DENR: variants seen among roughly 807,000 people sequenced by gnomAD.
DENR encodes the protein density regulated re-initiation and release factor, also known as density-regulated protein.
A neutral mutation model predicts 30.6 loss-of-function variants in DENR; 6 were observed. The observed-to-expected ratio is 0.20, with a 90% CI of 0.11 to 0.39. The LOEUF (loss-of-function observed/expected upper bound fraction) is 0.39. DENR is among the 10% of genes least tolerant of loss of function. The probability of loss-of-function intolerance (pLI) is 1.00; values close to 1 mark genes in which losing one functional copy is unlikely to be tolerated. For synonymous variants in DENR, 78 were observed against 72.1 expected (o/e 1.08, Z -0.41); for missense variants, 141 against 230.9 (o/e 0.61, Z 2.52).
At chr12:122,757,361 G>A (rs1878578029) in intron 2 of DENR, among the ~76,000 whole-genome samples, 1 of 152,164 alleles carries the variant, frequency 6.6e-6, no homozygotes, top group Non-Finnish European at 1.5e-5. Flanking sequence ...GCTTAACTGG[G>A]AAGACAAACA....
Position 122,765,392 on chromosome 12 carries a change from G to A in DENR, c.295+5G>A. 6.5e-7 allele frequency: 1 copy of A among 1,548,942 alleles called. No individual in the cohort carries two copies. Among genetic ancestry groups the A allele is most frequent in the Non-Finnish European group, 8.7e-7 (1 of 1,144,578 alleles). On this transcript the variant is annotated splice_donor_5th_base_variant and intron_variant, in intron 5 of 7. Coordinates refer to ENST00000280557, the MANE Select transcript of DENR (RefSeq NM_003677.5). ...AGAAGAAAAAACAGAAGAGAGGTAA[G>A]ACCTAAATTCACATCTTGATTTGTA... is the stretch of plus-strand genomic sequence containing the variant.
chr12:122,765,781 T>G (rs1301303909), intron 5 of DENR, among the ~76,000 whole-genome samples: 3 of 152,208 alleles, frequency 2.0e-5, no homozygotes, highest in African/African-American at 7.2e-5. Context: ...GAAAACATGC[T>G]TATTTGCCCT....
intron 2 of DENR, among the ~76,000 whole-genome samples, chr12:122,756,155 A>T (rs1878543642): frequency 6.6e-6 from 1 of 152,216 alleles, no homozygotes; most frequent in Admixed American, 6.5e-5. Flanking sequence ...TGAAAGAAAG[A>T]GACAAGAAAT....
intron 4 of DENR, chr12:122,763,256 A>AT (rs397687012): frequency 1.1e-5 from 2 of 182,364 alleles, no homozygotes; most frequent in African/African-American, 4.9e-5. Flanking sequence ...AAAAAAAAAA[A>AT]GGCGTGGTGG....
rs1238776466 is a variant in DENR at position 122,762,905 on chromosome 12, A to G, written c.187A>G (p.Asn63Asp). ...CRQWLEKNFPNEFAKLTVENS... is the reference protein window; with the variant it reads ...CRQWLEKNFPDEFAKLTVENS... The stretch of plus-strand genomic sequence containing the variant: ...ACAATGGTTAGAGAAGAATTTTCCA[A>G]ATGAATTTGCAAAACTTACTGTAGG... Residue 63 changes from asparagine (N) to aspartate (D), a missense_variant, in exon 4 of 8, where the codon AAT (asparagine) becomes GAT (aspartate). This residue lies in a region of DENR where 104 missense variants were observed against 138.3 expected (regional missense o/e 0.75). Transcript: ENST00000280557. The G allele has an allele frequency of 1.3e-6, 2 of 1,549,254 alleles. No homozygotes were observed. Among genetic ancestry groups the G allele is most frequent in the Non-Finnish European group, 1.7e-6 (2 of 1,146,024 alleles).
At chr12:122,753,275 G>T (rs1426306967) in intron 1 of DENR, among the ~76,000 whole-genome samples, 1 of 140,940 alleles carries the variant, frequency 7.1e-6, no homozygotes, top group African/African-American at 2.7e-5. Context: ...GGGCTTCTCC[G>T]ATGACCCACC....
chr12:122,758,807 C>T (rs1373817036), intron 2 of DENR, among the ~76,000 whole-genome samples: 1 of 146,022 alleles, frequency 6.8e-6, no homozygotes, highest in Admixed American at 6.8e-5. Context: ...GTCTCTTTAA[C>T]AAAAAAAAAG....
intron 5 of DENR, among the ~76,000 whole-genome samples, chr12:122,766,941 A>G (rs944280543): frequency 3.2e-4 from 48 of 152,290 alleles, no homozygotes; most frequent in African/African-American, 1.1e-3. Flanking sequence ...CATCTGCTAC[A>G]TATTCATAAG....
chr12:122,756,947 A>G (rs1878565899), intron 2 of DENR, among the ~76,000 whole-genome samples: 1 of 152,126 alleles, frequency 6.6e-6, no homozygotes, highest in African/African-American at 2.4e-5. Context: ...TGAGGAAGAG[A>G]GGTTGAAAAA....
chr12:122,760,142 G>A (rs1274764676), intron 2 of DENR, among the ~76,000 whole-genome samples: 2 of 152,186 alleles, frequency 1.3e-5, no homozygotes, highest in Admixed American at 6.5e-5. Flanking sequence ...TGTAACCTAA[G>A]TTAGTGGTTA....
At chr12:122,763,169 A>C (rs981130966) in intron 4 of DENR, 1 of 315,648 alleles carries the variant, frequency 3.2e-6, no homozygotes, top group African/African-American at 2.2e-5. Context: ...TGGGAGGCTG[A>C]GGCAGGCGGA....
chr12:122,765,211 C>G, intron 4 of DENR, 93 bp from the exon 5 acceptor site: 2 of 945,800 alleles, frequency 2.1e-6, no homozygotes, highest in Middle Eastern at 3.2e-4. Context: ...GGTAAGATGC[C>G]TTATTTGTAT....
In DENR at chr12:122,769,155, T is replaced by A; in HGVS notation, c.*77T>A. ...AAAGGGAGAGAGGCCTTTTAAAATA[T>A]ATATATATATACACATATATATGTA... is the stretch of plus-strand genomic sequence containing the variant. On this transcript the variant is annotated 3_prime_UTR_variant, in exon 8 of 8. Coordinates refer to ENST00000280557, the MANE Select transcript of DENR (RefSeq NM_003677.5). 58 of 1,351,856 alleles carry A rather than the reference T, an allele frequency of 4.3e-5. No individual in the cohort carries two copies. Among genetic ancestry groups the A allele is most frequent in the Non-Finnish European group, 5.4e-5 (55 of 1,015,612 alleles). The allele number at this position is 1,351,856 out of a possible 1,614,324, so 83.7% of individuals were successfully genotyped here.
intron 6 of DENR, among the ~76,000 whole-genome samples, chr12:122,767,852 G>A (rs150712321): frequency 8.6e-4 from 131 of 152,320 alleles, no homozygotes; most frequent in African/African-American, 3.0e-3. Context: ...TGTGGGATGA[G>A]GACGGCTGGG....
chr12:122,762,332 A>G (rs1878722572), intron 3 of DENR, 126 bp downstream of exon 3: 1 of 664,336 alleles, frequency 1.5e-6, no homozygotes, highest in South Asian at 2.4e-5. Flanking sequence ...AACCTTTTAT[A>G]GAGAACTTTG....
Position 122,769,388 on chromosome 12 carries a change from G to A in DENR, c.*310G>A. On this transcript the variant is annotated 3_prime_UTR_variant, in exon 8 of 8. Coordinates refer to ENST00000280557, the MANE Select transcript of DENR (RefSeq NM_003677.5). Reference sequence around the variant, plus strand: ...TTGGCATTTTCACTGTTCTGTACAAGGCTGCTTGTTTTTTTATTGCCAAAG... The same window carrying A: ...TTGGCATTTTCACTGTTCTGTACAAAGCTGCTTGTTTTTTTATTGCCAAAG... 3.0e-6 allele frequency: 3 copies of A among 988,780 alleles called. No homozygotes were observed. The highest frequency in any genetic ancestry group is 3.6e-6 in the Non-Finnish European group (3 of 832,408). 61.3% of individuals were successfully genotyped at this position (988,780 alleles called of 1,614,324 possible). A position where few individuals can be genotyped will look rare whatever the true frequency, so the allele number is the denominator to read the frequency against.
intron 2 of DENR, among the ~76,000 whole-genome samples, chr12:122,756,890 A>G (rs1360334368): frequency 6.6e-6 from 1 of 152,348 alleles, no homozygotes; most frequent in South Asian, 2.1e-4. Flanking sequence ...CCAGGCTATA[A>G]TAAGACTTTA....
intron 2 of DENR, among the ~76,000 whole-genome samples, chr12:122,757,300 G>A (rs1233033875): frequency 6.6e-6 from 1 of 152,162 alleles, no homozygotes; most frequent in African/African-American, 2.4e-5. Context: ...TCTGTGGCAA[G>A]CATTGTGCTC....
chr12:122,762,907 T>C lies in DENR; in HGVS notation c.189T>C (p.Asn63=). The C allele has an allele frequency of 6.5e-7, 1 of 1,548,594 alleles. No homozygotes were observed. Among genetic ancestry groups the C allele is most frequent in the Admixed American group, 2.0e-5 (1 of 50,286 alleles). ...AATGGTTAGAGAAGAATTTTCCAAA[T>C]GAATTTGCAAAACTTACTGTAGGTA... ...CRQWLEKNFP[N]EFAKLTVENS... The change falls in exon 4 of 8, where the codon AAT becomes AAC. Residue 63 remains asparagine (N), a synonymous_variant. Coordinates refer to ENST00000280557, the MANE Select transcript of DENR (RefSeq NM_003677.5).
Sources: gnomAD v4.1 joint callset for allele counts (sites outside exome capture counted in the v4.1 genomes callset) on GRCh38, gnomAD v4.1.1 for gene constraint, gnomAD v4.1.1 regional missense constraint, MANE v1.5 for transcripts, NCBI Gene and HGNC (gene_info 2026-07-23, HGNC 2026-07-21) for gene names.